The following FBXL17 variants were observed in gnomAD, a reference collection of about 807,000 sequenced individuals.
FBXL17 encodes F-box/LRR-repeat protein 17.
In FBXL17, 22 loss-of-function variants were observed where a neutral mutation model predicts 66.2. That is an observed-to-expected ratio of 0.33 (90% confidence interval 0.24 to 0.47). The LOEUF (loss-of-function observed/expected upper bound fraction) is 0.47. Among genes scored for constraint, FBXL17 ranks in the 20% least tolerant of loss-of-function variants. FBXL17 has a pLI of 1.00. For synonymous variants in FBXL17, 474 were observed against 400.5 expected, an observed-to-expected ratio of 1.18 and a Z score of -2.19; for missense variants, 878 against 948.2, an observed-to-expected ratio of 0.93 and a Z score of 0.97.
At chr5:108,296,493 C>A (rs1445026948) in intron 4 of FBXL17, among the ~76,000 whole-genome samples, 1 of 151,556 alleles carries the variant, frequency 6.6e-6, no homozygotes, top group East Asian at 1.9e-4. Context: ...GAAAGTACAA[C>A]CTAAAATAAA....
At chr5:108,213,670 C>T (rs751366375) in intron 5 of FBXL17, among the ~76,000 whole-genome samples, 3 of 152,286 alleles carry the variant, frequency 2.0e-5, no homozygotes, top group Non-Finnish European at 4.4e-5. Flanking sequence ...GTTGGAAATG[C>T]AGAAATCACC....
intron 4 of FBXL17, among the ~76,000 whole-genome samples, chr5:108,278,403 T>C (rs1757569347): frequency 6.6e-6 from 1 of 152,222 alleles, no homozygotes; most frequent in South Asian, 2.1e-4. Context: ...AAACTCGGGC[T>C]GCTGCATGCA....
At chr5:108,360,057 T>C (rs1180602420) in intron 3 of FBXL17, among the ~76,000 whole-genome samples, 2 of 152,162 alleles carry the variant, frequency 1.3e-5, no homozygotes, top group African/African-American at 4.8e-5. Context: ...TAATTCTGTC[T>C]CTTGGATCCC....
rs191579182 is a variant in FBXL17 at position 108,230,851 on chromosome 5, C to T, written c.1507-6623G>A. ...ACAAATAGGGTGCAGTGTATACTGC[C>T]CGGGTGATGGGTGCACCAAAATCTC... On this transcript the variant is annotated intron_variant, in intron 4 of 8. Transcript: ENST00000542267. 1.6e-3 allele frequency among the ~76,000 whole-genome samples: 242 copies of T among 148,598 alleles called. 2 individuals are homozygous for T. The highest frequency in any genetic ancestry group is 0.011 in the Middle Eastern group (3 of 284).
At chr5:108,093,974 T>C (rs1332604121) in intron 6 of FBXL17, among the ~76,000 whole-genome samples, 1 of 152,186 alleles carries the variant, frequency 6.6e-6, no homozygotes, top group Non-Finnish European at 1.5e-5. Flanking sequence ...TAGACGTCTG[T>C]ATTCACTTTT....
At position 108,126,662 on chromosome 5, in the gene FBXL17, T is replaced by C. The variant is rs1291235283; in HGVS notation, c.1745+59455A>G. 5.3e-3 allele frequency among the ~76,000 whole-genome samples: 633 copies of C among 119,422 alleles called. 5 individuals carry two copies. The highest frequency in any genetic ancestry group is 0.018 in the African/African-American group (602 of 32,942). The allele number at this position is 119,422 out of a possible 152,430, so 78.3% of individuals were successfully genotyped here. Reference sequence around the variant, plus strand: ...CTCTCTCTCTCTCTCTATATATATATACATATATATATATATATATATACA... The same window carrying C: ...CTCTCTCTCTCTCTCTATATATATACACATATATATATATATATATATACA... On this transcript the variant is annotated intron_variant, in intron 6 of 8. Coordinates refer to ENST00000542267, the MANE Select transcript of FBXL17 (RefSeq NM_001163315.3).
At chr5:108,275,025 T>C (rs1179158966) in intron 4 of FBXL17, among the ~76,000 whole-genome samples, 1 of 152,214 alleles carries the variant, frequency 6.6e-6, no homozygotes, top group Non-Finnish European at 1.5e-5. Flanking sequence ...CAAGTCTTTG[T>C]AATCCTCCAA....
chr5:107,862,433 T>C (rs1748151089), intron 8 of FBXL17, among the ~76,000 whole-genome samples: 1 of 152,152 alleles, frequency 6.6e-6, no homozygotes, highest in African/African-American at 2.4e-5. Flanking sequence ...CCAATAGACC[T>C]TAACCATCAA....
intron 8 of FBXL17, among the ~76,000 whole-genome samples, chr5:107,869,902 CATAGCAAACTT>C: frequency 6.6e-6 from 1 of 152,328 alleles, no homozygotes; most frequent in East Asian, 1.9e-4. Context: ...GTGACTCATA[CATAGCAAACTT>C]ATGATAAATG....
chr5:108,085,765 T>C (rs1001455707), intron 6 of FBXL17, among the ~76,000 whole-genome samples: 1 of 151,910 alleles, frequency 6.6e-6, no homozygotes, highest in African/African-American at 2.4e-5. Context: ...CAAAACCCGG[T>C]CTCAACAAAA....
intron 4 of FBXL17, among the ~76,000 whole-genome samples, chr5:108,333,925 C>A (rs150844218): frequency 2.0e-4 from 30 of 152,214 alleles, no homozygotes; most frequent in African/African-American, 6.0e-4. Flanking sequence ...CTGCTACGTG[C>A]CAAGCTCAGT....
chr5:107,982,484 T>C (rs932102181), intron 7 of FBXL17, among the ~76,000 whole-genome samples: 3 of 152,130 alleles, frequency 2.0e-5, no homozygotes, highest in Non-Finnish European at 4.4e-5. Context: ...AGCAATGAAC[T>C]TGCTATAAAA....
At chr5:108,118,619 G>T (rs1203640129) in intron 6 of FBXL17, among the ~76,000 whole-genome samples, 1 of 152,118 alleles carries the variant, frequency 6.6e-6, no homozygotes, top group Non-Finnish European at 1.5e-5. Context: ...ATCTTCCTCT[G>T]TAGTCCATTG....
chr5:108,154,723 G>GTATATACATATATCAGTGTATATCTATA (rs1751930368), intron 6 of FBXL17, among the ~76,000 whole-genome samples: 1 of 96,436 alleles, frequency 1.0e-5, no homozygotes, highest in South Asian at 5.4e-4. Flanking sequence ...GTATATATAT[G>GTATATACATATATCAGTGTATATCTATA]AAAAAAGAGG....
intron 7 of FBXL17, among the ~76,000 whole-genome samples, chr5:108,004,792 C>T (rs1217067421): frequency 2.0e-5 from 3 of 152,098 alleles, no homozygotes; most frequent in South Asian, 2.1e-4. Flanking sequence ...TTCATAATCT[C>T]GGAACCAATA....
intron 1 of FBXL17, among the ~76,000 whole-genome samples, chr5:108,371,510 G>T (rs1415942579): frequency 6.6e-6 from 1 of 152,132 alleles, no homozygotes; most frequent in Admixed American, 6.5e-5. Flanking sequence ...GCCTGTGAAG[G>T]GCTACAGTTT....
intron 3 of FBXL17, among the ~76,000 whole-genome samples, chr5:108,359,857 A>C (rs7724056): frequency 6.6e-6 from 1 of 151,908 alleles, no homozygotes; most frequent in Non-Finnish European, 1.5e-5. Flanking sequence ...TCTTCTTCCT[A>C]GTTGTGCTAT....
At chr5:107,996,349 G>A (rs1456039394) in intron 7 of FBXL17, among the ~76,000 whole-genome samples, 1 of 152,126 alleles carries the variant, frequency 6.6e-6, no homozygotes, top group Non-Finnish European at 1.5e-5. Context: ...GAGTCTCCCT[G>A]TGTGACCCAG....
intron 6 of FBXL17, among the ~76,000 whole-genome samples, chr5:108,110,355 T>C (rs1456898155): frequency 2.0e-5 from 3 of 152,206 alleles, no homozygotes; most frequent in African/African-American, 7.2e-5. Context: ...TTTCTAAAAA[T>C]AGAATTTCTG....
Sources: gnomAD v4.1 joint callset for allele counts (sites outside exome capture counted in the v4.1 genomes callset) on GRCh38, gnomAD v4.1.1 for gene constraint, MANE v1.5 for transcripts, NCBI Gene and HGNC (gene_info 2026-07-23, HGNC 2026-07-21) for gene names.